Variants in PRKAR1A observed in about 807,000 individuals in gnomAD.
The protein encoded by PRKAR1A is cAMP-dependent protein kinase type I-alpha regulatory subunit.
In PRKAR1A, 3 loss-of-function variants were observed where a neutral mutation model predicts 52.0. That is an observed-to-expected ratio of 0.06 (90% CI 0.03 to 0.15). PRKAR1A has a LOEUF of 0.15. Ranked by LOEUF, PRKAR1A falls within the 10% of genes least tolerant of loss-of-function variation. The pLI, the probability that PRKAR1A is intolerant of heterozygous loss-of-function variation, is 1.00. For missense variants in PRKAR1A, 240 were observed against 477.4 expected, an observed-to-expected ratio of 0.50 and a Z score of 4.63; for synonymous variants, 188 against 168.4, an observed-to-expected ratio of 1.12 and a Z score of -0.90.
the PRKAR1A span, among the ~76,000 whole-genome samples, chr17:68,449,332 G>A: frequency 6.6e-6 from 1 of 152,172 alleles, no homozygotes. Flanking sequence ...CACAGTGCCT[G>A]CCTTCACAGT....
chr17:68,426,097 T>C, the PRKAR1A span: 1 of 1,612,748 alleles, frequency 6.2e-7, no homozygotes, highest in South Asian at 1.1e-5. Flanking sequence ...ATTCTCATCA[T>C]CAAGACACAC....
the PRKAR1A span, among the ~76,000 whole-genome samples, chr17:68,417,499 C>T: frequency 6.6e-6 from 1 of 151,848 alleles, no homozygotes; most frequent in African/African-American, 2.4e-5. Context: ...ATAACTGGGC[C>T]CCACTGGAGT....
At chr17:68,489,532 A>G in the PRKAR1A span, among the ~76,000 whole-genome samples, 1 of 147,366 alleles carries the variant, frequency 6.8e-6, no homozygotes, top group Non-Finnish European at 1.5e-5. Context: ...GTATATATAT[A>G]TATGTATATA....
chr17:68,422,078 T>C, the PRKAR1A span: 7 of 464,698 alleles, frequency 1.5e-5, no homozygotes, highest in African/African-American at 3.9e-5. Flanking sequence ...TGTATATGTA[T>C]ATATTTTTAA....
chr17:68,525,105 C>G, intron 6 of PRKAR1A, 147 bp downstream of exon 6: 1 of 689,324 alleles, frequency 1.5e-6, no homozygotes, highest in Non-Finnish European at 2.5e-6. Flanking sequence ...ATTTTTATGA[C>G]ACAGAGAAAC....
the PRKAR1A span, among the ~76,000 whole-genome samples, chr17:68,443,983 C>A: frequency 1.3e-5 from 2 of 152,112 alleles, no homozygotes; most frequent in Non-Finnish European, 1.5e-5. Context: ...AGTGTTAAAT[C>A]CCGAGAATTC....
the PRKAR1A span, chr17:68,451,039 A>G: frequency 3.0e-3 from 3,572 of 1,193,240 alleles, 86 homozygotes; most frequent in East Asian, 0.06. Context: ...CTGAGCTTGC[A>G]TTGACAGTGA....
chr17:68,455,386 C>T, the PRKAR1A span, among the ~76,000 whole-genome samples: 3 of 150,088 alleles, frequency 2.0e-5, no homozygotes, highest in South Asian at 6.3e-4. Flanking sequence ...AAAAAGTACC[C>T]AAAGTGTATA....
intron 2 of PRKAR1A, among the ~76,000 whole-genome samples, chr17:68,517,296 A>G (rs1384705349): frequency 6.6e-6 from 1 of 152,178 alleles, no homozygotes; most frequent in African/African-American, 2.4e-5. Flanking sequence ...TTAGTGGGTC[A>G]TAGTTCTGTG....
chr17:68,421,590 G>T, the PRKAR1A span: 1 of 734,612 alleles, frequency 1.4e-6, no homozygotes, highest in Non-Finnish European at 2.3e-6. Flanking sequence ...GCGCCCATTG[G>T]CAACCAGGGT....
chr17:68,541,873 G>A, intron 11 of PRKAR1A: 1 of 1,265,504 alleles, frequency 7.9e-7, no homozygotes, highest in Non-Finnish European at 1.1e-6. Context: ...ATGGGGCAAA[G>A]GAGTATTGAG....
At position 68,515,555 on chromosome 17, in the gene PRKAR1A, A is replaced by C; in HGVS notation, c.156A>C (p.Glu52Asp). Reference protein sequence around the residue: ...RPERPMAFLREYFERLEKEEA... With the variant: ...RPERPMAFLRDYFERLEKEEA... ...AGAGACCCATGGCATTCCTCAGGGA[A>C]TACTTTGAGAGGTTGGAGAAGGTAA... The change falls in exon 2 of 11, where the codon GAA becomes GAC. Residue 52 changes from glutamate to aspartate, a missense_variant. By Grantham distance (45) the Glu-to-Asp change is conservative. Coordinates refer to ENST00000589228, the MANE Select transcript of PRKAR1A (RefSeq NM_002734.5). The C allele has an allele frequency of 6.2e-7, 1 of 1,612,626 alleles. No individual in the cohort carries two copies.
chr17:68,421,654 A>C, the PRKAR1A span: 15 of 1,395,126 alleles, frequency 1.1e-5, no homozygotes, highest in East Asian at 2.3e-5. Flanking sequence ...GCAGTGGAGC[A>C]CCCGGGATTC....
chr17:68,483,942 T>A, the PRKAR1A span, among the ~76,000 whole-genome samples: 4 of 152,238 alleles, frequency 2.6e-5, no homozygotes, highest in Non-Finnish European at 4.4e-5. Flanking sequence ...GTTCAGTTCA[T>A]TGATCTATTT....
At chr17:68,519,409 G>A (rs915648618) in intron 2 of PRKAR1A, among the ~76,000 whole-genome samples, 1 of 152,136 alleles carries the variant, frequency 6.6e-6, no homozygotes, top group African/African-American at 2.4e-5. Context: ...AAGCAAAAGG[G>A]GGAAAAGCCC....
intron 11 of PRKAR1A, among the ~76,000 whole-genome samples, chr17:68,545,886 T>C (rs1036777348): frequency 2.6e-5 from 4 of 152,168 alleles, no homozygotes; most frequent in African/African-American, 9.7e-5. Context: ...CCACTCCTTA[T>C]TGGTCGGGTG....
intron 2 of PRKAR1A, among the ~76,000 whole-genome samples, chr17:68,520,615 A>G (rs560373536): frequency 1.3e-5 from 2 of 152,334 alleles, no homozygotes; most frequent in East Asian, 3.9e-4. Context: ...AAGGATGACA[A>G]CAGCAAGAGA....
the PRKAR1A span, among the ~76,000 whole-genome samples, chr17:68,455,567 A>G: frequency 0.78 from 117,899 of 152,008 alleles, 46,080 homozygotes; most frequent in African/African-American, 0.85. Flanking sequence ...TTAAAATCCA[A>G]TGTCATACCC....
At chr17:68,458,023 T>C in the PRKAR1A span, among the ~76,000 whole-genome samples, 2 of 145,714 alleles carry the variant, frequency 1.4e-5, no homozygotes, top group Admixed American at 1.4e-4. Context: ...TGTGTAACTC[T>C]GCCTATTAAA....
Sources: gnomAD v4.1 joint callset for allele counts (sites outside exome capture counted in the v4.1 genomes callset) on GRCh38, gnomAD v4.1.1 for gene constraint, MANE v1.5 for transcripts, NCBI Gene and HGNC (gene_info 2026-07-23, HGNC 2026-07-21) for gene names.